Variants in TMEM163 observed in about 807,000 individuals in gnomAD.
TMEM163 encodes transmembrane protein 163.
Under a neutral mutation model 29.3 loss-of-function variants are expected in TMEM163, and 17 were observed. The ratio of observed to expected loss-of-function variants is 0.58; its 90% CI spans 0.40 to 0.87. The LOEUF (loss-of-function observed/expected upper bound fraction) is 0.87. Ranked by LOEUF, TMEM163 falls within the 40% of genes least tolerant of loss-of-function variation. TMEM163 has a pLI of 0.00. For missense variants in TMEM163, 303 were observed against 381.5 expected (o/e 0.79, Z 1.71); for synonymous variants, 157 against 160.6 (o/e 0.98, Z 0.17).
At chr2:134,610,088 G>A (rs1682466577) in intron 2 of TMEM163, among the ~76,000 whole-genome samples, 1 of 152,228 alleles carries the variant, frequency 6.6e-6, no homozygotes, top group Non-Finnish European at 1.5e-5. Flanking sequence ...ACAGGCCACA[G>A]GGCCAATCTT....
At chr2:134,630,340 C>T (rs1269523156) in intron 2 of TMEM163, among the ~76,000 whole-genome samples, 3 of 133,696 alleles carry the variant, frequency 2.2e-5, no homozygotes, top group African/African-American at 8.7e-5. Context: ...TATTTCAAAG[C>T]TGTAGCTTAT....
At chr2:134,716,125 C>T (rs1003553546) in intron 1 of TMEM163, among the ~76,000 whole-genome samples, 1 of 152,148 alleles carries the variant, frequency 6.6e-6, no homozygotes, top group Non-Finnish European at 1.5e-5. Context: ...GAAATGCTGA[C>T]ACATATAATT....
chr2:134,532,021 G>A (rs950029827), intron 4 of TMEM163, among the ~76,000 whole-genome samples: 1 of 152,182 alleles, frequency 6.6e-6, no homozygotes, highest in African/African-American at 2.4e-5. Context: ...TTTAGGAGTT[G>A]TTATGCCAGG....
chr2:134,501,886 G>T (rs72853958), intron 5 of TMEM163, among the ~76,000 whole-genome samples: 17,068 of 152,136 alleles, frequency 0.11, 1,202 homozygotes, highest in South Asian at 0.2. Flanking sequence ...GGCCAACTGT[G>T]GTGATAAATA....
chr2:134,547,351 A>T lies in TMEM163; in HGVS notation c.458+3219T>A, dbSNP rs550983556. Among the ~76,000 whole-genome samples the T allele has an allele frequency of 2.0e-5, 3 of 152,338 alleles. No individual in the cohort carries two copies. In the South Asian group the frequency reaches 6.2e-4, roughly 32 times the overall value. On this transcript the variant is annotated intron_variant, in intron 4 of 7. Transcript: ENST00000281924. The stretch of plus-strand genomic sequence containing the variant: ...ATATCCACAGTAGGGATACACAGTC[A>T]CCAGGTGGCAAGGCTAAGGAAGGTT...
At chr2:134,587,409 AAAAC>A (rs1221328792) in intron 2 of TMEM163, among the ~76,000 whole-genome samples, 3 of 152,118 alleles carry the variant, frequency 2.0e-5, no homozygotes, top group Non-Finnish European at 4.4e-5. Context: ...GGACTCTGTC[AAAAC>A]AAACAAAGAA....
chr2:134,537,837 G>C (rs1176193204), intron 4 of TMEM163, among the ~76,000 whole-genome samples: 1 of 152,198 alleles, frequency 6.6e-6, no homozygotes, highest in African/African-American at 2.4e-5. Context: ...CCTCCTGGAA[G>C]TTTCCTCCAG....
intron 2 of TMEM163, among the ~76,000 whole-genome samples, chr2:134,632,057 T>G (rs1041081004): frequency 6.6e-6 from 1 of 152,110 alleles, no homozygotes; most frequent in African/African-American, 2.4e-5. Flanking sequence ...GGGACAAAAT[T>G]CACATTTGTC....
intron 2 of TMEM163, among the ~76,000 whole-genome samples, chr2:134,602,985 G>A (rs926687911): frequency 6.6e-6 from 1 of 152,114 alleles, no homozygotes; most frequent in Non-Finnish European, 1.5e-5. Context: ...GCCTTTGGGG[G>A]TATAGGCGCT....
intron 6 of TMEM163, chr2:134,458,538 T>C (rs1686453366): frequency 4.7e-6 from 1 of 211,492 alleles, no homozygotes; most frequent in Non-Finnish European, 9.7e-6. Flanking sequence ...AGGCTCACAG[T>C]AGACATTCAA....
chr2:134,515,878 A>G (rs1274934810), intron 4 of TMEM163, among the ~76,000 whole-genome samples: 3 of 152,202 alleles, frequency 2.0e-5, no homozygotes. Flanking sequence ...AAATTTCTAG[A>G]AATGTCTTCT....
Position 134,610,725 on chromosome 2 carries a change from T to C in TMEM163, c.323-58634A>G, listed in dbSNP as rs535093789. Among the ~76,000 whole-genome samples, 9 of 152,266 alleles carry C rather than the reference T, an allele frequency of 5.9e-5. No homozygotes were observed. The South Asian group carries it at 8.3e-4, about 14-fold the overall frequency. On this transcript the variant is annotated intron_variant, in intron 2 of 7. Transcript: ENST00000281924. ...ATGCCTGGGTCTCACTTTCAGAAATTTGAACACAGTTTGTCTGGGGATGAG... is the reference window on the plus strand; with the variant it reads ...ATGCCTGGGTCTCACTTTCAGAAATCTGAACACAGTTTGTCTGGGGATGAG...
chr2:134,543,918 C>T lies in TMEM163; in HGVS notation c.458+6652G>A, dbSNP rs190797597. 1.1e-4 allele frequency among the ~76,000 whole-genome samples: 17 copies of T among 152,276 alleles called. No homozygotes were observed. The East Asian group carries it at 2.1e-3, about 19-fold the overall frequency. ...CTGAGCAGAACACCATTGGGAGGTA[C>T]ATTGGAACAGGAGAACCACCTCTCG... On this transcript the variant is annotated intron_variant, in intron 4 of 7. Transcript: ENST00000281924.
intron 2 of TMEM163, among the ~76,000 whole-genome samples, chr2:134,590,947 G>T (rs915416399): frequency 1.3e-5 from 2 of 152,168 alleles, no homozygotes; most frequent in African/African-American, 2.4e-5. Flanking sequence ...GATAAGAAAG[G>T]CTACACAGGT....
rs112867638 is a variant in TMEM163, at chr2:134,602,396, T to C, written c.323-50305A>G. Among the ~76,000 whole-genome samples the C allele has an allele frequency of 1.1e-3, 172 of 152,276 alleles. 1 individual carries two copies. The highest frequency in any genetic ancestry group is 4.0e-3 in the African/African-American group (166 of 41,558). ...CACAGCAGCAACCTCATCTTTAAGA[T>C]GGTGGCATCATAAGGTAATGGCTCT... On this transcript the variant is annotated intron_variant, in intron 2 of 7. Transcript: ENST00000281924.
intron 5 of TMEM163, among the ~76,000 whole-genome samples, chr2:134,472,524 A>G (rs1209791428): frequency 1.3e-5 from 2 of 152,256 alleles, no homozygotes; most frequent in Admixed American, 1.3e-4. Flanking sequence ...TCCAACCTGT[A>G]CAGAGAACAA....
At chr2:134,708,110 C>A (rs568567342) in intron 2 of TMEM163, among the ~76,000 whole-genome samples, 1 of 152,282 alleles carries the variant, frequency 6.6e-6, no homozygotes, top group South Asian at 2.1e-4. Flanking sequence ...TGGTCTCAAA[C>A]TCCTGACTTC....
At chr2:134,667,646 T>G (rs1395253143) in intron 2 of TMEM163, among the ~76,000 whole-genome samples, 1 of 152,248 alleles carries the variant, frequency 6.6e-6, no homozygotes, top group African/African-American at 2.4e-5. Context: ...CAACTATTAA[T>G]AATTCATATA....
intron 4 of TMEM163, among the ~76,000 whole-genome samples, chr2:134,520,249 C>T (rs1201899532): frequency 1.3e-5 from 2 of 152,202 alleles, no homozygotes; most frequent in African/African-American, 4.8e-5. Flanking sequence ...GGCATAGACA[C>T]CTCTAATAAG....
Sources: allele counts gnomAD v4.1 joint callset (sites outside exome capture counted in the v4.1 genomes callset), GRCh38; gene constraint gnomAD v4.1.1; transcripts MANE v1.5; gene names NCBI Gene and HGNC (gene_info 2026-07-23, HGNC 2026-07-21).